The following GCA variants were observed in gnomAD, a reference collection of about 807,000 sequenced individuals.
GCA encodes grancalcin.
In GCA, 30 loss-of-function variants were observed where a neutral mutation model predicts 32.6. That is an observed-to-expected ratio of 0.92 (90% CI 0.69 to 1.25). GCA has a LOEUF of 1.25. Ranked by LOEUF, GCA falls within the 50% of genes most tolerant of loss-of-function variation. GCA has a pLI of 0.00. For synonymous variants in GCA, 102 were observed against 84.6 expected, an observed-to-expected ratio of 1.21 and a Z score of -1.13; for missense variants, 291 against 266.8, an observed-to-expected ratio of 1.09 and a Z score of -0.63.
At chr2:162,349,578 C>T (rs1395787917) in intron 2 of GCA, among the ~76,000 whole-genome samples, 1 of 151,868 alleles carries the variant, frequency 6.6e-6, no homozygotes, top group Non-Finnish European at 1.5e-5. Flanking sequence ...AAGTTGAAAG[C>T]TCTTCTGTGG....
At chr2:162,364,712 C>T (rs750063640), downstream of GCA, among the ~76,000 whole-genome samples, 1 of 151,244 alleles carries the variant, frequency 6.6e-6, no homozygotes, top group Non-Finnish European at 1.5e-5. Flanking sequence ...ATATTTTTCC[C>T]CTTAAATAAT....
rs1483437137 is a variant in GCA, at chr2:162,359,407, A to G, written c.569-87A>G. The G allele has an allele frequency of 7.8e-6, 5 of 643,982 alleles. No homozygotes were observed. In the South Asian group the frequency reaches 8.4e-5, roughly 11 times the overall value. 39.9% of individuals were successfully genotyped at this position (643,982 alleles called of 1,614,324 possible). ...CACTTAATATTTAATTGAATATGAA[A>G]TTATTCTTTTTGTGTACCTGGGTGC... On this transcript the variant is annotated intron_variant, in intron 6 of 7. Transcript: ENST00000437150.
At chr2:162,327,178 C>A (rs1576256594) in intron 1 of GCA, among the ~76,000 whole-genome samples, 2 of 152,130 alleles carry the variant, frequency 1.3e-5, no homozygotes, top group African/African-American at 4.8e-5. Context: ...ATTCCTTAGG[C>A]CCAGTTTTTC....
chr2:162,361,886 A>G lies in GCA; in HGVS notation c.*1643A>G. 1.0e-6 allele frequency: 1 copy of G among 984,170 alleles called. No individual in the cohort carries two copies. Among genetic ancestry groups the G allele is most frequent in the Non-Finnish European group, 1.2e-6 (1 of 828,964 alleles). 61.0% of individuals were successfully genotyped at this position (984,170 alleles called of 1,614,324 possible). A position where few individuals can be genotyped will look rare whatever the true frequency, so the allele number is the denominator to read the frequency against. On this transcript the variant is annotated 3_prime_UTR_variant, in exon 8 of 8. Coordinates refer to ENST00000437150, the MANE Select transcript of GCA (RefSeq NM_012198.5). ...TGATAATGTCGCTCAGCAACCTGTA[A>G]TCTTAACATCCAGGTTATACAGATG... is the stretch of plus-strand genomic sequence containing the variant.
At chr2:162,332,341 TATATA>T (rs1396184012) in intron 1 of GCA, among the ~76,000 whole-genome samples, 3 of 144,478 alleles carry the variant, frequency 2.1e-5, no homozygotes, top group African/African-American at 2.5e-5. Flanking sequence ...ATATATATAA[TATATA>T]ATATTATTTA....
chr2:162,329,270 A>G (rs953240768), intron 1 of GCA, among the ~76,000 whole-genome samples: 2 of 152,104 alleles, frequency 1.3e-5, no homozygotes, highest in African/African-American at 2.4e-5. Context: ...TAAAGGGACC[A>G]GATTCTTCCC....
intron 4 of GCA, chr2:162,371,223 C>A: frequency 3.8e-6 from 2 of 527,186 alleles, no homozygotes; most frequent in Non-Finnish European, 6.7e-6. Context: ...GTTCTCATTA[C>A]TGTTGGCCTA....
chr2:162,323,548 C>T (rs1177944071), intron 1 of GCA, among the ~76,000 whole-genome samples: 5 of 151,794 alleles, frequency 3.3e-5, no homozygotes, highest in Non-Finnish European at 7.4e-5. Context: ...TTAGGTCTAA[C>T]GTTTAAGTCT....
chr2:162,353,106 T>C (rs1000800814), intron 3 of GCA, among the ~76,000 whole-genome samples: 1 of 152,116 alleles, frequency 6.6e-6, no homozygotes, highest in African/African-American at 2.4e-5. Flanking sequence ...CTCCATCTCT[T>C]GTTGTCCTCT....
chr2:162,371,287 T>C, intron 4 of GCA: 1 of 1,262,728 alleles, frequency 7.9e-7, no homozygotes, highest in Admixed American at 2.3e-5. Context: ...CAACTCAAAC[T>C]TTGTATTTTT....
At chr2:162,342,542 C>T (rs1434012427), upstream of GCA, among the ~76,000 whole-genome samples, 1 of 152,192 alleles carries the variant, frequency 6.6e-6, no homozygotes, top group Non-Finnish European at 1.5e-5. Context: ...GAACTCCAAG[C>T]TTAGGAAAGT....
At chr2:162,340,982 T>G (rs1684423508), upstream of GCA, among the ~76,000 whole-genome samples, 1 of 152,102 alleles carries the variant, frequency 6.6e-6, no homozygotes, top group Non-Finnish European at 1.5e-5. Flanking sequence ...TTTCCTTATT[T>G]TTCAATAGCA....
Position 162,369,249 on chromosome 2 carries a change from T to C in GCA, c.366-2057T>C, listed in dbSNP as rs937010756. Among the ~76,000 whole-genome samples, 54 of 152,044 alleles carry C rather than the reference T, an allele frequency of 3.6e-4. 1 individual carries two copies. The highest frequency in any genetic ancestry group is 1.5e-5 in the Non-Finnish European group (1 of 67,984). On this transcript the variant is annotated intron_variant, in intron 4 of 4. Coordinates refer to the GCA transcript ENST00000414723. ...CTTTGGCTGGGGAAAGGGATGAATTTTGTACATCAAGATAATTGCTTTGGT... is the reference window on the plus strand; with the variant it reads ...CTTTGGCTGGGGAAAGGGATGAATTCTGTACATCAAGATAATTGCTTTGGT...
At chr2:162,367,399 T>A (rs1005240319), downstream of GCA, among the ~76,000 whole-genome samples, 2 of 151,992 alleles carry the variant, frequency 1.3e-5, no homozygotes, top group Non-Finnish European at 2.9e-5. Flanking sequence ...TTTTCAGATA[T>A]CCATCTAAGG....
intron 1 of GCA, among the ~76,000 whole-genome samples, chr2:162,345,134 G>GGTGGTGGTGGTGGTT (rs1404529265): frequency 1.3e-4 from 19 of 149,454 alleles, no homozygotes; most frequent in African/African-American, 4.0e-4. Context: ...TGGTGGTGGT[G>GGTGGTGGTGGTGGTT]GTTGTGGTTG....
At chr2:162,364,093 T>C (rs577581915), downstream of GCA, among the ~76,000 whole-genome samples, 5 of 151,372 alleles carry the variant, frequency 3.3e-5, no homozygotes, top group Non-Finnish European at 7.4e-5. Flanking sequence ...CACTTAGGAG[T>C]GATTAGGTCC....
intron 1 of GCA, among the ~76,000 whole-genome samples, chr2:162,345,003 A>G (rs1684612724): frequency 6.7e-6 from 1 of 150,352 alleles, no homozygotes. Context: ...ACCTAAAAAG[A>G]GAAATTGTGT....
chr2:162,359,902 G>T (rs950336586), intron 7 of GCA, among the ~76,000 whole-genome samples: 4 of 151,062 alleles, frequency 2.6e-5, no homozygotes, highest in African/African-American at 9.7e-5. Context: ...ATTTTAATCC[G>T]TGACGGATTA....
intron 1 of GCA, among the ~76,000 whole-genome samples, chr2:162,324,133 G>A (rs898098224): frequency 1.3e-5 from 2 of 152,138 alleles, no homozygotes; most frequent in Non-Finnish European, 2.9e-5. Context: ...TGAAGCCTCA[G>A]TGGGCGTGTG....
Sources: allele counts gnomAD v4.1 joint callset (sites outside exome capture counted in the v4.1 genomes callset), GRCh38; gene constraint gnomAD v4.1.1; transcripts MANE v1.5; gene names NCBI Gene and HGNC (gene_info 2026-07-23, HGNC 2026-07-21).